The following VSTM2B variants were observed in gnomAD, a reference collection of about 807,000 sequenced individuals.
The protein encoded by VSTM2B is V-set and transmembrane domain containing 2B.
A neutral mutation model predicts 24.0 loss-of-function variants in VSTM2B; 24 were observed. That is an observed-to-expected ratio of 1.00 (90% CI 0.72 to 1.40). The LOEUF (loss-of-function observed/expected upper bound fraction) is 1.40. VSTM2B is among the 40% of genes most tolerant of loss of function. The pLI, the probability that VSTM2B is intolerant of heterozygous loss-of-function variation, is 0.00. For synonymous variants in VSTM2B, 226 were observed against 194.4 expected (o/e 1.16, Z -1.35); for missense variants, 399 against 416.4 (o/e 0.96, Z 0.36).
chr19:29,562,885 A>T (rs762404800), intron 4 of VSTM2B, among the ~76,000 whole-genome samples: 2 of 152,118 alleles, frequency 1.3e-5, no homozygotes, highest in Non-Finnish European at 2.9e-5. Flanking sequence ...GGGCCAGGTT[A>T]TGATCACACT....
At chr19:29,529,073 C>T (rs1048561367) in intron 3 of VSTM2B, 3 of 985,478 alleles carry the variant, frequency 3.0e-6, no homozygotes, top group Non-Finnish European at 3.6e-6. Flanking sequence ...GATGACGAAG[C>T]CTCCTCGTGG....
upstream of VSTM2B, among the ~76,000 whole-genome samples, chr19:29,525,972 C>G (rs972320032): frequency 4.1e-4 from 63 of 151,848 alleles, no homozygotes; most frequent in Admixed American, 9.2e-4. Flanking sequence ...CCCCTCCCTT[C>G]CCCTCCCCTC....
chr19:29,546,431 C>T (rs1368373128), intron 4 of VSTM2B, among the ~76,000 whole-genome samples: 1 of 152,128 alleles, frequency 6.6e-6, no homozygotes. Flanking sequence ...AGTCAAGTCA[C>T]CCAACCTCTC....
At chr19:29,528,553 C>G in intron 3 of VSTM2B, 91 bp downstream of exon 3, 1 of 1,482,376 alleles carries the variant, frequency 6.7e-7, no homozygotes, top group Non-Finnish European at 9.2e-7. Context: ...GCGGCGGCCG[C>G]GCATGTGGGG....
intron 4 of VSTM2B, among the ~76,000 whole-genome samples, chr19:29,536,339 C>T (rs1439516412): frequency 6.6e-6 from 1 of 152,198 alleles, no homozygotes; most frequent in African/African-American, 2.4e-5. Context: ...TTGAAAGAAG[C>T]ACCTGAGGCT....
At position 29,531,145 on chromosome 19, in the gene VSTM2B, C is replaced by T. The variant is rs894634239; in HGVS notation, c.769+855C>T. Among the ~76,000 whole-genome samples the T allele has an allele frequency of 7.9e-5, 12 of 152,014 alleles. 1 individual carries two copies. Among genetic ancestry groups the T allele is most frequent in the Non-Finnish European group, 2.9e-5 (2 of 67,934 alleles). On this transcript the variant is annotated intron_variant, in intron 4 of 4. Transcript: ENST00000335523. The stretch of plus-strand genomic sequence containing the variant: ...CGGTTATGGAGGGTAGAAAGGCTTG[C>T]CCAGTGTGCCCCTCCTCCCAAGGCA...
intron 4 of VSTM2B, among the ~76,000 whole-genome samples, chr19:29,549,560 C>A (rs12971928): frequency 1.9e-5 from 1 of 52,792 alleles, no homozygotes; most frequent in African/African-American, 9.1e-5. Context: ...CTCTAGGAGA[C>A]CCCAGACACT....
intron 4 of VSTM2B, among the ~76,000 whole-genome samples, chr19:29,542,586 G>T (rs1970048614): frequency 6.6e-6 from 1 of 152,086 alleles, no homozygotes; most frequent in South Asian, 2.1e-4. Flanking sequence ...ATGGGAGAAT[G>T]AATGGATGGA....
At chr19:29,551,377 A>G (rs891018413) in intron 4 of VSTM2B, among the ~76,000 whole-genome samples, 1 of 151,782 alleles carries the variant, frequency 6.6e-6, no homozygotes, top group Non-Finnish European at 1.5e-5. Flanking sequence ...AGGGATTTGG[A>G]ATTCTGCTTT....
At chr19:29,552,580 C>T (rs78531311) in intron 4 of VSTM2B, among the ~76,000 whole-genome samples, 40 of 152,340 alleles carry the variant, frequency 2.6e-4, no homozygotes, top group East Asian at 2.5e-3. Flanking sequence ...GTCAGGGGAT[C>T]TCCCTCATGA....
chr19:29,529,342 G>T (rs1969669658), intron 3 of VSTM2B, among the ~76,000 whole-genome samples: 1 of 152,164 alleles, frequency 6.6e-6, no homozygotes, highest in Non-Finnish European at 1.5e-5. Context: ...AGCGATTCGG[G>T]CAGGCCCTCC....
chr19:29,559,119 C>T (rs1427937545), intron 4 of VSTM2B, among the ~76,000 whole-genome samples: 1 of 152,126 alleles, frequency 6.6e-6, no homozygotes, highest in Non-Finnish European at 1.5e-5. Flanking sequence ...TGGGTATATA[C>T]CCAAAGGATT....
At chr19:29,558,496 G>A (rs8099925) in intron 4 of VSTM2B, among the ~76,000 whole-genome samples, 13,563 of 152,212 alleles carry the variant, frequency 0.089, 1,277 homozygotes, top group African/African-American at 0.24. Flanking sequence ...TAAAGAAAAT[G>A]TGGTGTGTAT....
chr19:29,549,466 G>A (rs1052360822), intron 4 of VSTM2B, among the ~76,000 whole-genome samples: 1 of 151,470 alleles, frequency 6.6e-6, no homozygotes, highest in East Asian at 1.9e-4. Flanking sequence ...GAGCCCCAAC[G>A]CTGCCCCCAG....
At chr19:29,558,640 A>G (rs915424398) in intron 4 of VSTM2B, among the ~76,000 whole-genome samples, 2 of 152,172 alleles carry the variant, frequency 1.3e-5, no homozygotes, top group African/African-American at 4.8e-5. Context: ...TGTTATTATT[A>G]ATAAGTAGCA....
intron 4 of VSTM2B, among the ~76,000 whole-genome samples, chr19:29,555,001 T>C (rs1049842928): frequency 1.3e-5 from 2 of 151,972 alleles, no homozygotes; most frequent in Non-Finnish European, 2.9e-5. Context: ...TATTAGATCA[T>C]TGAGACAGAA....
chr19:29,538,347 G>C (rs1465685509), intron 4 of VSTM2B, among the ~76,000 whole-genome samples: 2 of 152,176 alleles, frequency 1.3e-5, no homozygotes, highest in Non-Finnish European at 2.9e-5. Flanking sequence ...AAAGATGTTA[G>C]CTTAACACAG....
At chr19:29,549,201 G>C (rs1970216183) in intron 4 of VSTM2B, among the ~76,000 whole-genome samples, 1 of 152,334 alleles carries the variant, frequency 6.6e-6, no homozygotes, top group African/African-American at 2.4e-5. Flanking sequence ...CTGCAAATCA[G>C]ACAGCCCTCA....
chr19:29,533,773 T>C (rs1042346234), intron 4 of VSTM2B, among the ~76,000 whole-genome samples: 2 of 152,204 alleles, frequency 1.3e-5, no homozygotes, highest in African/African-American at 2.4e-5. Context: ...AACCTTTCTG[T>C]AGGGCTGCAT....
Sources: allele counts gnomAD v4.1 joint callset (sites outside exome capture counted in the v4.1 genomes callset), GRCh38; gene constraint gnomAD v4.1.1; transcripts MANE v1.5; gene names NCBI Gene and HGNC (gene_info 2026-07-23, HGNC 2026-07-21).